Variants in PRICKLE2 observed in about 807,000 individuals in gnomAD.
The protein encoded by PRICKLE2 is prickle planar cell polarity protein 2.
A neutral mutation model predicts 81.4 loss-of-function variants in PRICKLE2; 21 were observed. The observed-to-expected ratio is 0.26, with a 90% CI of 0.18 to 0.37. PRICKLE2 has a LOEUF of 0.37. Ranked by LOEUF, PRICKLE2 falls within the 10% of genes least tolerant of loss-of-function variation. PRICKLE2 has a pLI of 1.00. For synonymous variants in PRICKLE2, 456 were observed against 421.5 expected (o/e 1.08, Z -1.00); for missense variants, 940 against 1,109.0 (o/e 0.85, Z 2.16).
At chr3:64,171,416 A>G (rs2077929485) in intron 2 of PRICKLE2, among the ~76,000 whole-genome samples, 1 of 152,248 alleles carries the variant, frequency 6.6e-6, no homozygotes. Context: ...GTCAGCCCCA[A>G]CAGCAAAAGA....
rs1238982208 is a variant in PRICKLE2, at chr3:64,159,951, T to C, written c.385A>G (p.Ile129Val). 5 of 1,614,036 alleles carry C rather than the reference T, an allele frequency of 3.1e-6. No homozygotes were observed. Among genetic ancestry groups the C allele is most frequent in the South Asian group, 2.2e-5 (2 of 91,082 alleles). ...RPFPVTMTGAICEQCGGQING... is the reference protein window; with the variant it reads ...RPFPVTMTGAVCEQCGGQING... ...GAATCCATGCTTACCTGTTCACAAA[T>C]AGCTCCTGTCATGGTGACTGGGAAA... Residue 129 changes from isoleucine (I) to valine (V), a missense_variant, in exon 4 of 8, where the codon ATT becomes GTT. Physicochemically the swap from Ile to Val is conservative, Grantham distance 29 (BLOSUM62 3). This residue lies in a region of PRICKLE2 where 270 missense variants were observed against 391.8 expected (regional missense o/e 0.69). Transcript: ENST00000638394.
intron 2 of PRICKLE2, among the ~76,000 whole-genome samples, chr3:64,260,240 A>G (rs143963992): frequency 6.6e-6 from 1 of 152,110 alleles, no homozygotes; most frequent in Non-Finnish European, 1.5e-5. Flanking sequence ...AGTACACCAC[A>G]CTGAACGCAC....
At chr3:64,159,815 C>A in intron 4 of PRICKLE2, 125 bp downstream of exon 4, 1 of 1,257,748 alleles carries the variant, frequency 8.0e-7, no homozygotes, top group Non-Finnish European at 1.2e-6. Flanking sequence ...TGAAACTTTC[C>A]CGTCTTTTGT....
chr3:64,099,411 T>C lies in PRICKLE2; in HGVS notation c.2175A>G (p.Gln725=), dbSNP rs769402289. Reference sequence around the variant, plus strand: ...CCTGGAAGCTCCGCTGGCGCATAAATTGGTCATAGTCCTCCCTGGCTCTCA... The same window carrying C: ...CCTGGAAGCTCCGCTGGCGCATAAACTGGTCATAGTCCTCCCTGGCTCTCA... ...PPLRAREDYD[Q]FMRQRSFQES... The change falls in exon 8 of 8, where the codon CAA becomes CAG. Residue 725 remains glutamine (Q), a synonymous_variant. Transcript: ENST00000638394. The surrounding 1 kb of genome is among the most constrained non-coding windows in gnomAD (Gnocchi z 4.3). The C allele has an allele frequency of 6.3e-6, 10 of 1,598,088 alleles. No individual in the cohort carries two copies.
chr3:64,131,586 C>T (rs1461065353), intron 7 of PRICKLE2, among the ~76,000 whole-genome samples: 1 of 152,142 alleles, frequency 6.6e-6, no homozygotes, highest in East Asian at 1.9e-4. Flanking sequence ...AGTTACTTGG[C>T]TAAGCCAGGA....
chr3:64,185,672 C>T (rs1402937588), intron 2 of PRICKLE2, among the ~76,000 whole-genome samples: 1 of 152,178 alleles, frequency 6.6e-6, no homozygotes, highest in East Asian at 1.9e-4. Context: ...TTAGCTACTC[C>T]CTGAGGCAAT....
At chr3:64,122,366 T>C (rs1474292590) in intron 7 of PRICKLE2, among the ~76,000 whole-genome samples, 1 of 152,174 alleles carries the variant, frequency 6.6e-6, no homozygotes, top group Non-Finnish European at 1.5e-5. Context: ...CAGGGTGTTG[T>C]CTGGGAACCA....
chr3:64,196,102 C>G (rs1032692984), intron 2 of PRICKLE2, among the ~76,000 whole-genome samples: 8 of 152,212 alleles, frequency 5.3e-5, no homozygotes, highest in African/African-American at 1.9e-4. Context: ...TCCAAAAATA[C>G]CATTAGCACT....
intron 3 of PRICKLE2, among the ~76,000 whole-genome samples, chr3:64,161,024 C>T (rs2107041729): frequency 6.6e-6 from 1 of 152,188 alleles, no homozygotes; most frequent in African/African-American, 2.4e-5. Context: ...GGAACAGAAC[C>T]ATGTTGTTAG....
chr3:64,248,123 A>C (rs1270951595), intron 2 of PRICKLE2, among the ~76,000 whole-genome samples: 1 of 152,230 alleles, frequency 6.6e-6, no homozygotes, highest in Non-Finnish European at 1.5e-5. Flanking sequence ...GCAGCCCACT[A>C]TCTCACCAGA....
intron 2 of PRICKLE2, among the ~76,000 whole-genome samples, chr3:64,238,485 CAA>C (rs11291908): frequency 1.6e-3 from 166 of 104,478 alleles, no homozygotes; most frequent in Non-Finnish European, 1.7e-3. Context: ...GACTCCGTCT[CAA>C]AAAAAAAAAA....
intron 6 of PRICKLE2, among the ~76,000 whole-genome samples, chr3:64,148,418 A>T (rs903508099): frequency 1.4e-4 from 21 of 152,210 alleles, no homozygotes; most frequent in Non-Finnish European, 2.8e-4. Context: ...GTGAAGCTCT[A>T]TGAGGACAGA....
Position 64,098,679 on chromosome 3 carries a change from A to G in PRICKLE2, c.*372T>C. The G allele has an allele frequency of 3.9e-6, 1 of 253,654 alleles. No homozygotes were observed. Among genetic ancestry groups the G allele is most frequent in the Non-Finnish European group, 7.7e-6 (1 of 129,550 alleles). 15.7% of individuals were successfully genotyped at this position (253,654 alleles called of 1,614,324 possible). ...ATAACTTAGTCTTGGGTCCTGGCTA[A>G]TAAACAAATTACTTACTGAAAAAAG... On this transcript the variant is annotated 3_prime_UTR_variant, in exon 8 of 8. Coordinates refer to ENST00000638394, the MANE Select transcript of PRICKLE2 (RefSeq NM_198859.4).
chr3:64,240,945 GAT>G (rs1266164522), intron 2 of PRICKLE2, among the ~76,000 whole-genome samples: 1 of 152,146 alleles, frequency 6.6e-6, no homozygotes, highest in African/African-American at 2.4e-5. Context: ...GAGGGTCCAG[GAT>G]GGCCAGTTGG....
At chr3:64,174,148 A>G (rs1559556426) in intron 2 of PRICKLE2, among the ~76,000 whole-genome samples, 2 of 152,310 alleles carry the variant, frequency 1.3e-5, no homozygotes, top group Non-Finnish European at 1.5e-5. Flanking sequence ...AAGATTCTCC[A>G]CTTTGGGAAT....
chr3:64,171,433 T>A lies in PRICKLE2; in HGVS notation c.145-8304A>T, dbSNP rs567771456. Among the ~76,000 whole-genome samples the A allele has an allele frequency of 9.2e-5, 14 of 152,246 alleles. 1 individual carries two copies. The East Asian group carries it at 2.3e-3, about 25-fold the overall frequency. On this transcript the variant is annotated intron_variant, in intron 2 of 7. Transcript: ENST00000638394. The stretch of plus-strand genomic sequence containing the variant: ...CAGCCCCAACAGCAAAAGATCCCCA[T>A]CAAAATGCCAACAGTGCTGAAACTG...
At chr3:64,265,521 A>G (rs1212758497) in intron 2 of PRICKLE2, among the ~76,000 whole-genome samples, 1 of 152,230 alleles carries the variant, frequency 6.6e-6, no homozygotes, top group Non-Finnish European at 1.5e-5. Context: ...CCTGGGGAGC[A>G]CAGCATCTCT....
intron 2 of PRICKLE2, among the ~76,000 whole-genome samples, chr3:64,252,097 C>G (rs1465006803): frequency 6.6e-6 from 1 of 152,100 alleles, no homozygotes; most frequent in Non-Finnish European, 1.5e-5. Context: ...TCAATCAACC[C>G]AACATGGTCT....
chr3:64,119,274 C>T (rs937498793), intron 7 of PRICKLE2, among the ~76,000 whole-genome samples: 1 of 152,096 alleles, frequency 6.6e-6, no homozygotes, highest in African/African-American at 2.4e-5. Flanking sequence ...GGGTACTAGG[C>T]TTAATAGCTG....
Sources: allele counts gnomAD v4.1 joint callset (sites outside exome capture counted in the v4.1 genomes callset), GRCh38; gene constraint gnomAD v4.1.1; regional missense constraint gnomAD v4.1.1; non-coding constraint Gnocchi (gnomAD v3.1); transcripts MANE v1.5; gene names NCBI Gene and HGNC (gene_info 2026-07-23, HGNC 2026-07-21).